The following LETM2 variants were observed in gnomAD, a reference collection of about 807,000 sequenced individuals.
The protein encoded by LETM2 is LETM1 domain-containing protein LETM2, mitochondrial.
Under a neutral mutation model 59.6 loss-of-function variants are expected in LETM2, and 58 were observed. The observed-to-expected ratio is 0.97, with a 90% CI of 0.79 to 1.21. The LOEUF is 1.21. LETM2 is among the 50% of genes most tolerant of loss of function. LETM2 has a pLI of 0.00. For missense variants in LETM2, 572 were observed against 575.7 expected (o/e 0.99, Z 0.07); for synonymous variants, 199 against 214.1 (o/e 0.93, Z 0.62).
Position 38,402,572 on chromosome 8 carries a change from G to A in LETM2, c.1032G>A (p.Gln344=), listed in dbSNP as rs1813322516. The change falls in exon 7 of 11, where the codon CAG becomes CAA. Residue 344 remains glutamine (Q), a synonymous_variant. Transcript: ENST00000379957. ...GVTALSVSEL[Q]AACRARGMRS... is the part of the protein sequence containing the mutation. The stretch of plus-strand genomic sequence containing the variant: ...CAGCATTGAGTGTATCAGAACTACA[G>A]GCTGCCTGTAGGGCCCGAGGGATGA... 6.2e-7 allele frequency: 1 copy of A among 1,613,934 alleles called. No homozygotes were observed. The highest frequency in any genetic ancestry group is 1.7e-5 in the Admixed American group (1 of 60,008).
chr8:38,404,800 T>C, intron 8 of LETM2: 1 of 296,318 alleles, frequency 3.4e-6, no homozygotes, highest in African/African-American at 2.2e-5. Flanking sequence ...ACCAACATGG[T>C]GAAATCTCAT....
At chr8:38,390,623 G>GAAA (rs766904780) in intron 2 of LETM2, among the ~76,000 whole-genome samples, 2 of 44,856 alleles carry the variant, frequency 4.5e-5, no homozygotes, top group African/African-American at 8.9e-5. Context: ...CTCTGTCTCA[G>GAAA]AAAAAAAAAA....
intron 3 of LETM2, 77 bp downstream of exon 3, chr8:38,393,072 A>G (rs1812428300): frequency 1.6e-6 from 2 of 1,254,920 alleles, no homozygotes; most frequent in Admixed American, 2.2e-5. Flanking sequence ...TTTAAATTCA[A>G]CGTAAACTTC....
chr8:38,399,183 G>GT (rs1812951977), intron 4 of LETM2, among the ~76,000 whole-genome samples: 2 of 151,942 alleles, frequency 1.3e-5, no homozygotes, highest in South Asian at 4.1e-4. Context: ...ACCACCCTGA[G>GT]TCCTGACTGT....
At chr8:38,389,235 G>T (rs1041230056) in intron 2 of LETM2, among the ~76,000 whole-genome samples, 120 of 146,266 alleles carry the variant, frequency 8.2e-4, no homozygotes, top group African/African-American at 3.0e-3. Context: ...ATTTATTTTT[G>T]AGATGAAATC....
Position 38,392,724 on chromosome 8 carries a change from T to C in LETM2, c.230T>C (p.Leu77Pro). ...LHPGTRLIQK[L>P]HTSTCWLQEV... ...CCAGGAACTAGACTAATACAAAAGC[T>C]ACACACATCCACTTGCTGGCTGCAA... The change falls in exon 3 of 11, where the codon CTA (leucine) becomes CCA (proline). Residue 77 changes from leucine to proline, a missense_variant. Physicochemically the swap from Leu to Pro is moderately conservative, Grantham distance 98. Transcript: ENST00000379957. 1 of 1,614,188 alleles carries C rather than the reference T, an allele frequency of 6.2e-7. No individual in the cohort carries two copies. The highest frequency in any genetic ancestry group is 1.3e-5 in the African/African-American group (1 of 75,054).
intron 4 of LETM2, among the ~76,000 whole-genome samples, chr8:38,397,849 AGAC>A (rs774665043): frequency 6.6e-6 from 1 of 152,042 alleles, no homozygotes; most frequent in Non-Finnish European, 1.5e-5. Flanking sequence ...ATAAGAATAA[AGAC>A]TTGAAGGCCG....
intron 4 of LETM2, among the ~76,000 whole-genome samples, chr8:38,397,483 A>G (rs984410409): frequency 2.6e-5 from 4 of 152,240 alleles, no homozygotes; most frequent in African/African-American, 9.6e-5. Context: ...AGCATTTAAC[A>G]TGGCTCAGTG....
In LETM2 at chr8:38,408,436, G is replaced by A; in HGVS notation, c.*162G>A. The A allele has an allele frequency of 1.6e-6, 1 of 608,392 alleles. No homozygotes were observed. The highest frequency in any genetic ancestry group is 2.9e-6 in the Non-Finnish European group (1 of 341,570). 37.7% of individuals were successfully genotyped at this position (608,392 alleles called of 1,614,324 possible). A position where few individuals can be genotyped will look rare whatever the true frequency, so the allele number is the denominator to read the frequency against. On this transcript the variant is annotated 3_prime_UTR_variant, in exon 11 of 11. Coordinates refer to ENST00000379957, the MANE Select transcript of LETM2 (RefSeq NM_001286819.2). ...GCCTGGTAACCATTCCAGGTGATGT[G>A]GGTAGTGAGACCAAGTTCAGACCAC...
chr8:38,394,476 G>C (rs547246358), intron 4 of LETM2: 1 of 354,338 alleles, frequency 2.8e-6, no homozygotes, highest in Non-Finnish European at 5.0e-6. Flanking sequence ...AAGCATTTCT[G>C]TGGGCTTTGC....
At chr8:38,392,457 A>G (rs991253610) in intron 2 of LETM2, 85 bp from the exon 3 acceptor site, 2 of 860,848 alleles carry the variant, frequency 2.3e-6, no homozygotes, top group Middle Eastern at 3.1e-4. Context: ...TGTACTATCT[A>G]TTTCTTTAAT....
chr8:38,395,462 T>C (rs1812612796), intron 4 of LETM2, among the ~76,000 whole-genome samples: 1 of 152,282 alleles, frequency 6.6e-6, no homozygotes, highest in Admixed American at 6.5e-5. Context: ...ATCTTTCCTG[T>C]GCTTATTTAC....
At chr8:38,404,746 G>C in intron 8 of LETM2, 1 of 416,762 alleles carries the variant, frequency 2.4e-6, no homozygotes, top group Admixed American at 3.8e-5. Context: ...TTGGGAGGCC[G>C]AGGTAGGTGG....
At chr8:38,408,116 G>A in intron 10 of LETM2, 96 bp from the exon 11 acceptor site, 1 of 820,992 alleles carries the variant, frequency 1.2e-6, no homozygotes, top group Non-Finnish European at 2.0e-6. Context: ...TGACTTTGTG[G>A]TCACTATTTT....
At chr8:38,388,193 C>T (rs919686501) in intron 2 of LETM2, among the ~76,000 whole-genome samples, 163 bp downstream of exon 2, 2 of 151,634 alleles carry the variant, frequency 1.3e-5, no homozygotes, top group Non-Finnish European at 2.9e-5. Context: ...CTACTCTCCT[C>T]CCTCAGCCTC....
chr8:38,405,236 T>C (rs568476204), intron 8 of LETM2, among the ~76,000 whole-genome samples: 2 of 152,348 alleles, frequency 1.3e-5, no homozygotes, highest in East Asian at 3.9e-4. Context: ...TTATCTAGAA[T>C]GTCTTTCAAC....
At chr8:38,406,286 C>A (rs1813710289) in intron 8 of LETM2, among the ~76,000 whole-genome samples, 2 of 152,184 alleles carry the variant, frequency 1.3e-5, no homozygotes, top group South Asian at 4.2e-4. Context: ...CAACATAGAC[C>A]AAGTTACATC....
chr8:38,393,921 GA>G lies in LETM2; in HGVS notation c.502-176del, dbSNP rs1812490218. The stretch of plus-strand genomic sequence containing the variant: ...TGTAATCCCAGCTCCTTGGGAGGCT[GA>G]GGTGGAAGGATTGCGTGAGCCCAGG... On this transcript the variant is annotated intron_variant, in intron 3 of 10. Coordinates refer to ENST00000379957, the MANE Select transcript of LETM2 (RefSeq NM_001286819.2). The G allele has an allele frequency of 1.3e-5, 6 of 462,134 alleles. No individual in the cohort carries two copies. The South Asian group carries it at 3.4e-4, about 26-fold the overall frequency. 28.6% of individuals were successfully genotyped at this position (462,134 alleles called of 1,614,324 possible).
intron 8 of LETM2, among the ~76,000 whole-genome samples, chr8:38,405,804 A>G (rs1214156216): frequency 2.0e-5 from 3 of 152,198 alleles, no homozygotes; most frequent in Non-Finnish European, 2.9e-5. Flanking sequence ...TCTCAGCTAA[A>G]TCTGGGTTCT....
Sources: allele counts gnomAD v4.1 joint callset (sites outside exome capture counted in the v4.1 genomes callset), GRCh38; gene constraint gnomAD v4.1.1; transcripts MANE v1.5; gene names NCBI Gene and HGNC (gene_info 2026-07-23, HGNC 2026-07-21).